Variants in ZNF644 observed in about 807,000 individuals in gnomAD.
ZNF644 encodes zinc finger motif enhancer binding protein 2.
In ZNF644, 20 loss-of-function variants were observed where a neutral mutation model predicts 108.0. The ratio of observed to expected loss-of-function variants is 0.19; its 90% CI spans 0.13 to 0.27. ZNF644 has a LOEUF of 0.27. ZNF644 is among the 10% of genes least tolerant of loss of function. The pLI is 1.00. For missense variants in ZNF644, 1,338 were observed against 1,548.9 expected (o/e 0.86, Z 2.29); for synonymous variants, 542 against 539.1 (o/e 1.01, Z -0.08).
chr1:90,920,415 G>C (rs572482653), intron 4 of ZNF644, among the ~76,000 whole-genome samples: 1 of 151,962 alleles, frequency 6.6e-6, no homozygotes, highest in Non-Finnish European at 1.5e-5. Flanking sequence ...GAGGATGGTA[G>C]GGAAATATGC....
rs1651637124 is a variant in ZNF644 at position 90,938,890 on chromosome 1, C to T, written c.2464G>A (p.Gly822Arg). 3 of 1,613,994 alleles carry T rather than the reference C, an allele frequency of 1.9e-6. No homozygotes were observed. The highest frequency in any genetic ancestry group is 2.5e-6 in the Non-Finnish European group (3 of 1,179,958). ...IKESKKESSV[G>R]GEDLDSYPDF... Reference sequence around the variant, plus strand: ...GGATAGCTATCCAAGTCTTCCCCTCCAACAGAACTTTCCTTCTTAGATTCC... The same window carrying T: ...GGATAGCTATCCAAGTCTTCCCCTCTAACAGAACTTTCCTTCTTAGATTCC... Residue 822 changes from glycine to arginine, a missense_variant, in exon 3 of 6, where the codon GGA becomes AGA. Coordinates refer to ENST00000337393, the MANE Select transcript of ZNF644 (RefSeq NM_201269.3). This position sits in a 1 kb window ranked among gnomAD's most constrained non-coding sequence, Gnocchi z 4.2.
chr1:90,994,436 A>T (rs896891063), intron 1 of ZNF644, among the ~76,000 whole-genome samples: 3 of 152,226 alleles, frequency 2.0e-5, no homozygotes, highest in Admixed American at 6.5e-5. Flanking sequence ...CTAGAAATTT[A>T]AATGGGAAAA....
At chr1:90,926,102 C>A (rs1252982754) in intron 4 of ZNF644, among the ~76,000 whole-genome samples, 1 of 152,148 alleles carries the variant, frequency 6.6e-6, no homozygotes, top group Non-Finnish European at 1.5e-5. Flanking sequence ...ACTCAGAAGC[C>A]AGACTCCACT....
intron 2 of ZNF644, among the ~76,000 whole-genome samples, chr1:90,947,049 C>T (rs1652590023): frequency 6.6e-6 from 1 of 152,016 alleles, no homozygotes; most frequent in Non-Finnish European, 1.5e-5. Flanking sequence ...GGCAGGGAGG[C>T]CCTACAAAGA....
At chr1:90,951,379 CCT>C (rs1308088494) in intron 2 of ZNF644, among the ~76,000 whole-genome samples, 1 of 152,168 alleles carries the variant, frequency 6.6e-6, no homozygotes, top group Non-Finnish European at 1.5e-5. Context: ...GTTTCCTACT[CCT>C]CTCCCCAACT....
rs1246360495 is a variant in ZNF644, at chr1:90,937,948, T to G, written c.3225A>C (p.Pro1075=). ...GKTKWDAHKS[P]ICVLNEMMQN... The stretch of plus-strand genomic sequence containing the variant: ...GCATCATCTCATTCAGAACACAGAT[T>G]GGAGATTTGTGAGCATCCCATTTCG... The change falls in exon 4 of 6, where the codon CCA becomes CCC. Residue 1075 remains proline (P), a synonymous_variant. Coordinates refer to ENST00000337393, the MANE Select transcript of ZNF644 (RefSeq NM_201269.3). 1.9e-6 allele frequency: 3 copies of G among 1,613,244 alleles called. No homozygotes were observed. The highest frequency in any genetic ancestry group is 2.2e-5 in the South Asian group (2 of 91,074).
intron 1 of ZNF644, among the ~76,000 whole-genome samples, chr1:91,019,267 C>T (rs1313938266): frequency 6.6e-6 from 1 of 152,134 alleles, no homozygotes; most frequent in East Asian, 1.9e-4. Flanking sequence ...GTGGCACATT[C>T]GTTTATCCAA....
At chr1:90,984,912 T>C (rs947408147) in intron 1 of ZNF644, among the ~76,000 whole-genome samples, 11 of 152,192 alleles carry the variant, frequency 7.2e-5, no homozygotes, top group Admixed American at 5.9e-4. Context: ...TAAAACTATA[T>C]ATGGTTGCAC....
intron 2 of ZNF644, among the ~76,000 whole-genome samples, chr1:90,980,667 A>G (rs1474374639): frequency 6.6e-6 from 1 of 152,254 alleles, no homozygotes; most frequent in African/African-American, 2.4e-5. Context: ...TGACATAGTC[A>G]CAACATAGAT....
chr1:90,966,171 C>A (rs1402496720), intron 2 of ZNF644, among the ~76,000 whole-genome samples: 4 of 152,184 alleles, frequency 2.6e-5, no homozygotes, highest in South Asian at 4.1e-4. Flanking sequence ...CGGATCATTT[C>A]TTTCACATTT....
chr1:90,944,421 G>A (rs541821000), intron 2 of ZNF644, among the ~76,000 whole-genome samples: 5 of 152,074 alleles, frequency 3.3e-5, no homozygotes, highest in South Asian at 2.1e-4. Flanking sequence ...AAAAAAATCC[G>A]ATTAAATATT....
chr1:90,983,103 G>A (rs1656726156), intron 1 of ZNF644, among the ~76,000 whole-genome samples: 1 of 151,968 alleles, frequency 6.6e-6, no homozygotes, highest in Non-Finnish European at 1.5e-5. Context: ...CCCCATACCT[G>A]AAACTAGCTT....
intron 1 of ZNF644, among the ~76,000 whole-genome samples, chr1:91,014,998 T>C (rs1261034854): frequency 1.3e-5 from 2 of 152,184 alleles, no homozygotes; most frequent in Non-Finnish European, 2.9e-5. Context: ...AAGAATATAG[T>C]AGATGCTTAA....
At chr1:91,000,087 A>T (rs976810731) in intron 1 of ZNF644, among the ~76,000 whole-genome samples, 5 of 152,074 alleles carry the variant, frequency 3.3e-5, no homozygotes, top group East Asian at 3.9e-4. Context: ...ACAATAATAA[A>T]GGGAGACTTT....
Position 90,940,648 on chromosome 1 carries a change from C to A in ZNF644, c.706G>T (p.Asp236Tyr). The A allele has an allele frequency of 6.2e-7, 1 of 1,614,058 alleles. No individual in the cohort carries two copies. The highest frequency in any genetic ancestry group is 1.1e-5 in the South Asian group (1 of 91,072). The change falls in exon 3 of 6, where the codon GAT becomes TAT. Residue 236 changes from aspartate (D) to tyrosine (Y), a missense_variant. Transcript: ENST00000337393. ...EDGEDLLVKD[D>Y]CVNTVTGISS... The stretch of plus-strand genomic sequence containing the variant: ...ATTCCCGTTACTGTATTGACACAAT[C>A]ATCTTTCACCAATAAATCTTCACCA...
At position 90,940,061 on chromosome 1, in the gene ZNF644, A is replaced by G; in HGVS notation, c.1293T>C (p.Tyr431=). The G allele has an allele frequency of 6.2e-7, 1 of 1,614,086 alleles. No homozygotes were observed. The highest frequency in any genetic ancestry group is 8.5e-7 in the Non-Finnish European group (1 of 1,179,976). The change falls in exon 3 of 6, where the codon TAT becomes TAC. Residue 431 remains tyrosine (Y), a synonymous_variant. Transcript: ENST00000337393. ...EKKHLHRHMM[Y]HLDGNSHFRH... is the part of the protein sequence containing the mutation. ...GAAAGTGACTATTCCCATCTAAATG[A>G]TACATCATATGCCTGTGGAGGTGCT... is the stretch of plus-strand genomic sequence containing the variant.
chr1:90,972,631 T>C (rs1043928458), intron 2 of ZNF644: 4 of 152,130 alleles, frequency 2.6e-5, no homozygotes, highest in Non-Finnish European at 4.4e-5. Flanking sequence ...TCCTTGAAAA[T>C]TGAAAGCAAG....
At chr1:90,983,803 C>T (rs565725011) in intron 1 of ZNF644, among the ~76,000 whole-genome samples, 5 of 152,052 alleles carry the variant, frequency 3.3e-5, no homozygotes, top group Non-Finnish European at 7.4e-5. Context: ...GGCACGCGCC[C>T]GTAGTCCCAA....
Position 90,988,807 on chromosome 1 carries a change from A to C in ZNF644, c.-17-6437T>G, listed in dbSNP as rs114694358. ...AGAGGAAAGGACAGTCTTTTCAACA[A>C]ATGGTACTGGGAAATCCAATATCCA... On this transcript the variant is annotated intron_variant, in intron 1 of 5. Transcript: ENST00000337393. Among the ~76,000 whole-genome samples, 482 of 152,332 alleles carry C rather than the reference A, an allele frequency of 3.2e-3. 2 individuals are homozygous for C. Among genetic ancestry groups the C allele is most frequent in the African/African-American group, 0.011 (448 of 41,560 alleles).
Sources: allele counts gnomAD v4.1 joint callset (sites outside exome capture counted in the v4.1 genomes callset), GRCh38; gene constraint gnomAD v4.1.1; non-coding constraint Gnocchi (gnomAD v3.1); transcripts MANE v1.5; gene names NCBI Gene and HGNC (gene_info 2026-07-23, HGNC 2026-07-21).